HNF4A: variants seen among roughly 807,000 people sequenced by gnomAD.
HNF4A encodes the protein hepatocyte nuclear factor 4 alpha.
HNF4A carries 15 observed loss-of-function variants against 52.4 expected under a neutral mutation model. That is an observed-to-expected ratio of 0.29 (90% CI 0.19 to 0.44). The LOEUF is 0.44. HNF4A is among the 20% of genes least tolerant of loss of function. The pLI is 1.00. For synonymous variants in HNF4A, 280 were observed against 264.4 expected (o/e 1.06, Z -0.57); for missense variants, 479 against 647.2 (o/e 0.74, Z 2.82).
chr20:44,392,377 A>C (rs556740872), intron 1 of HNF4A, among the ~76,000 whole-genome samples: 2 of 152,318 alleles, frequency 1.3e-5, no homozygotes, highest in Admixed American at 1.3e-4. Flanking sequence ...CCAGGTTCAA[A>C]TTTGAAGCCC....
chr20:44,361,504 G>A (rs900595399), intron 1 of HNF4A, among the ~76,000 whole-genome samples: 2 of 152,054 alleles, frequency 1.3e-5, no homozygotes, highest in African/African-American at 2.4e-5. Flanking sequence ...AACACAGGAG[G>A]ATAAAACTTT....
chr20:44,392,977 C>T (rs1161713009), intron 1 of HNF4A, among the ~76,000 whole-genome samples: 1 of 152,256 alleles, frequency 6.6e-6, no homozygotes. Flanking sequence ...CACAACTGTA[C>T]AGGGCAGTAA....
chr20:44,368,160 ATTT>A (rs1181828023), intron 1 of HNF4A, among the ~76,000 whole-genome samples: 4 of 27,778 alleles, frequency 1.4e-4, no homozygotes, highest in African/African-American at 2.9e-4. Context: ...ATATATATAT[ATTT>A]TTTTTTTTTT....
chr20:44,355,861 G>C lies in HNF4A; in HGVS notation c.49+8G>C. The stretch of plus-strand genomic sequence containing the variant: ...CAGTGGAGAGTTCTTACGGTAAGTG[G>C]GGCTGGGGGAAGACTGGACAGGGCG... On this transcript the variant is annotated splice_region_variant and intron_variant, in intron 1 of 9. Transcript: ENST00000316673. 6.2e-7 allele frequency: 1 copy of C among 1,610,222 alleles called. No homozygotes were observed.
chr20:44,384,783 G>C (rs1303899015), intron 1 of HNF4A: 1 of 152,136 alleles, frequency 6.6e-6, no homozygotes, highest in Non-Finnish European at 1.5e-5. Flanking sequence ...CCCTCAGAGA[G>C]ACTATAAGTA....
intron 4 of HNF4A, 95 bp from the exon 5 acceptor site, chr20:44,414,412 C>A (rs2063631089): frequency 3.8e-6 from 6 of 1,569,446 alleles, no homozygotes; most frequent in African/African-American, 1.4e-5. Context: ...GCCCCCTCCC[C>A]ACATCTGATT....
chr20:44,416,438 C>CAAATCCAGGTCTT (rs1293223551), intron 5 of HNF4A, among the ~76,000 whole-genome samples: 5 of 152,268 alleles, frequency 3.3e-5, no homozygotes, highest in Non-Finnish European at 7.3e-5. Flanking sequence ...AACTGGGATT[C>CAAATCCAGGTCTT]AAATCCAGGT....
In HNF4A at chr20:44,419,475, T is replaced by C. The variant is rs553324166; in HGVS notation, c.737-246T>C. On this transcript the variant is annotated intron_variant, in intron 6 of 9. Transcript: ENST00000316099. ...TCATCGATCTTGTGAGTCATGTTGG[T>C]AAATGGAGCTTGGGTCATGTGAAAG... Among the ~76,000 whole-genome samples, 15 of 152,242 alleles carry C rather than the reference T, an allele frequency of 9.9e-5. 2 individuals carry two copies. Among genetic ancestry groups the C allele is most frequent in the Admixed American group, 9.8e-4 (15 of 15,282 alleles).
At chr20:44,406,575 C>T (rs1035673757) in intron 2 of HNF4A, among the ~76,000 whole-genome samples, 4 of 152,202 alleles carry the variant, frequency 2.6e-5, no homozygotes, top group Non-Finnish European at 5.9e-5. Context: ...GCCCGTCTTC[C>T]AGTCTGGTGC....
intron 3 of HNF4A, among the ~76,000 whole-genome samples, chr20:44,413,453 C>T (rs769293091): frequency 9.2e-5 from 14 of 152,198 alleles, no homozygotes; most frequent in African/African-American, 1.2e-4. Flanking sequence ...CTGTCTTGCG[C>T]GCCCCTGCTG....
At chr20:44,408,796 C>A (rs2063540169) in intron 3 of HNF4A, among the ~76,000 whole-genome samples, 1 of 152,122 alleles carries the variant, frequency 6.6e-6, no homozygotes, top group African/African-American at 2.4e-5. Context: ...TCAACCTTTC[C>A]CAGCTCTGCG....
At chr20:44,359,731 GA>G in intron 1 of HNF4A, among the ~76,000 whole-genome samples, 1 of 152,246 alleles carries the variant, frequency 6.6e-6, no homozygotes, top group South Asian at 2.1e-4. Context: ...TTTTGCCAAA[GA>G]AAAAATGTCT....
rs554876153 is a variant in HNF4A, at chr20:44,394,372, A to G, written c.50-11686A>G. On this transcript the variant is annotated intron_variant, in intron 1 of 9. Transcript: ENST00000316673. ...CTGTGCAATGAGGGGATGGGGCTGAATCAGTGGTTTTCCAACCCTCAAATA... is the reference window on the plus strand; with the variant it reads ...CTGTGCAATGAGGGGATGGGGCTGAGTCAGTGGTTTTCCAACCCTCAAATA... Among the ~76,000 whole-genome samples the G allele has an allele frequency of 3.3e-5, 5 of 152,254 alleles. No individual in the cohort carries two copies. In the East Asian group the frequency reaches 9.7e-4, roughly 29 times the overall value.
intron 5 of HNF4A, among the ~76,000 whole-genome samples, chr20:44,417,828 G>A (rs774482310): frequency 1.3e-5 from 2 of 151,934 alleles, no homozygotes; most frequent in Non-Finnish European, 2.9e-5. Flanking sequence ...AATTAGCCAG[G>A]CATGGTGGTG....
rs931259597 is a variant in HNF4A at position 44,403,211 on chromosome 20, G to A, written c.115+1724G>A. 2.0e-5 allele frequency among the ~76,000 whole-genome samples: 3 copies of A among 152,178 alleles called. No homozygotes were observed. The East Asian group carries it at 5.8e-4, about 29-fold the overall frequency. ...GAGGCAGAGGCCAAGCCCCTGAACTGGGAGTCCCAAAGACAAGACCACCTC... is the reference window on the plus strand; with the variant it reads ...GAGGCAGAGGCCAAGCCCCTGAACTAGGAGTCCCAAAGACAAGACCACCTC... On this transcript the variant is annotated intron_variant, in intron 1 of 9. Transcript: ENST00000316099.
intron 5 of HNF4A, among the ~76,000 whole-genome samples, chr20:44,417,682 G>A (rs1360924866): frequency 6.6e-6 from 1 of 152,138 alleles, no homozygotes; most frequent in Non-Finnish European, 1.5e-5. Flanking sequence ...CTAAGAATCT[G>A]TATTTTCAGG....
chr20:44,424,658 G>A, intron 8 of HNF4A: 1 of 1,324,192 alleles, frequency 7.6e-7, no homozygotes, highest in Non-Finnish European at 9.7e-7. Context: ...AACTGAAAAG[G>A]AATCCTCTTT....
At chr20:44,363,487 T>G (rs2062938644) in intron 1 of HNF4A, among the ~76,000 whole-genome samples, 1 of 151,880 alleles carries the variant, frequency 6.6e-6, no homozygotes, top group Admixed American at 6.6e-5. Context: ...TTGCAAGCCT[T>G]CTGGGGCCCT....
rs112632815 is a variant in HNF4A, at chr20:44,427,966, G to A, written c.1130-369G>A. 7.4e-3 allele frequency among the ~76,000 whole-genome samples: 1,132 copies of A among 152,242 alleles called. 18 individuals carry two copies. The highest frequency in any genetic ancestry group is 0.026 in the African/African-American group (1,084 of 41,526). On this transcript the variant is annotated intron_variant, in intron 8 of 9. Coordinates refer to ENST00000316099, the MANE Select transcript of HNF4A (RefSeq NM_000457.6). The stretch of plus-strand genomic sequence containing the variant: ...GGGGGATGAGGCTGAAAGGTGAGGC[G>A]GGACCAAATGGTTGAAGGACTTGCA...
Sources: allele counts gnomAD v4.1 joint callset (sites outside exome capture counted in the v4.1 genomes callset), GRCh38; gene constraint gnomAD v4.1.1; transcripts MANE v1.5; gene names NCBI Gene and HGNC (gene_info 2026-07-23, HGNC 2026-07-21).